The following SETD3 variants were observed in gnomAD, a reference collection of about 807,000 sequenced individuals.
SETD3 encodes the protein SET domain containing 3, actin N3(tau)-histidine methyltransferase.
Under a neutral mutation model 63.0 loss-of-function variants are expected in SETD3, and 19 were observed. The observed-to-expected ratio is 0.30, with a 90% CI of 0.21 to 0.44. The LOEUF (loss-of-function observed/expected upper bound fraction) is 0.44, where lower values mean the gene tolerates loss of function less well. SETD3 is among the 20% of genes least tolerant of loss of function. The probability of loss-of-function intolerance (pLI) is 1.00; values close to 1 mark genes in which losing one functional copy is unlikely to be tolerated. For synonymous variants in SETD3, 286 were observed against 264.1 expected (o/e 1.08, Z -0.80); for missense variants, 587 against 728.5 (o/e 0.81, Z 2.24).
At chr14:99,474,682 C>T (rs1219902781) in intron 1 of SETD3, among the ~76,000 whole-genome samples, 1 of 152,102 alleles carries the variant, frequency 6.6e-6, no homozygotes, top group Non-Finnish European at 1.5e-5. Flanking sequence ...CTGGCCAACA[C>T]AGTGAAACCC....
chr14:99,480,001 G>A (rs2139832993), intron 1 of SETD3, among the ~76,000 whole-genome samples: 1 of 152,218 alleles, frequency 6.6e-6, no homozygotes, highest in South Asian at 2.1e-4. Context: ...GCCACGAGGA[G>A]GAAGAGTTAA....
At chr14:99,447,835 T>C (rs1261011933) in intron 6 of SETD3, among the ~76,000 whole-genome samples, 1 of 152,090 alleles carries the variant, frequency 6.6e-6, no homozygotes, top group Non-Finnish European at 1.5e-5. Flanking sequence ...TAAGAACGAG[T>C]ATCTTTCAAT....
chr14:99,471,198 TCA>T (rs1233745154), intron 1 of SETD3, among the ~76,000 whole-genome samples: 4 of 152,196 alleles, frequency 2.6e-5, no homozygotes, highest in Non-Finnish European at 5.9e-5. Flanking sequence ...TAATATAGTG[TCA>T]CAGACACATA....
At chr14:99,443,209 C>T (rs910176619) in intron 6 of SETD3, among the ~76,000 whole-genome samples, 2 of 151,890 alleles carry the variant, frequency 1.3e-5, no homozygotes, top group Non-Finnish European at 2.9e-5. Flanking sequence ...AATAAAACAA[C>T]CTCCTCAAAT....
At chr14:99,459,539 G>A (rs1281711763) in intron 4 of SETD3, among the ~76,000 whole-genome samples, 3 of 152,130 alleles carry the variant, frequency 2.0e-5, no homozygotes, top group Admixed American at 6.6e-5. Flanking sequence ...TCTAAAACCA[G>A]ACCAAATCAA....
At chr14:99,458,251 T>C (rs759115845) in intron 6 of SETD3, 28 bp downstream of exon 6, 8 of 1,598,324 alleles carry the variant, frequency 5.0e-6, no homozygotes, top group Non-Finnish European at 6.8e-6. Context: ...CTGTGAAATA[T>C]ATACTTAAAT....
chr14:99,405,129 A>G, intron 10 of SETD3, 76 bp downstream of exon 10: 1 of 1,511,196 alleles, frequency 6.6e-7, no homozygotes, highest in South Asian at 1.4e-5. Flanking sequence ...TTTTATTAAC[A>G]CACCAATTAA....
Position 99,452,080 on chromosome 14 carries a change from G to C in SETD3, c.675+6199C>G, listed in dbSNP as rs147209471. Among the ~76,000 whole-genome samples, 888 of 152,234 alleles carry C rather than the reference G, an allele frequency of 5.8e-3. 9 individuals are homozygous for C. Among genetic ancestry groups the C allele is most frequent in the African/African-American group, 0.02 (840 of 41,530 alleles). On this transcript the variant is annotated intron_variant, in intron 6 of 12. Coordinates refer to ENST00000331768, the MANE Select transcript of SETD3 (RefSeq NM_032233.3). ...CTACCATACACACGAGTTAGAGCAG[G>C]GGCCCAGAAAGACTTTGTTTTTTGT...
At chr14:99,403,778 T>C (rs1417182173) in intron 11 of SETD3, among the ~76,000 whole-genome samples, 1 of 152,174 alleles carries the variant, frequency 6.6e-6, no homozygotes, top group African/African-American at 2.4e-5. Flanking sequence ...CAATTTCAGA[T>C]TTAGAATGCA....
chr14:99,420,953 G>T (rs565028740), intron 6 of SETD3, among the ~76,000 whole-genome samples: 2 of 73,438 alleles, frequency 2.7e-5, no homozygotes, highest in African/African-American at 6.4e-5. Context: ...AGGGCGGGGG[G>T]GGGGGGGGGG....
At position 99,398,015 on chromosome 14, in the gene SETD3, G is replaced by GT. The variant is rs1191451024; in HGVS notation, c.*663dup. 6.6e-6 allele frequency: 1 copy of GT among 152,432 alleles called. No individual in the cohort carries two copies. The highest frequency in any genetic ancestry group is 1.5e-5 in the Non-Finnish European group (1 of 68,008). 9.4% of individuals were successfully genotyped at this position (152,432 alleles called of 1,614,324 possible). The stretch of plus-strand genomic sequence containing the variant: ...GGAGAAAGGACAAGTTCTTAGTACA[G>GT]TAAAACAAAACACAAAAGTAAACAA... On this transcript the variant is annotated 3_prime_UTR_variant, in exon 13 of 13. Coordinates refer to ENST00000331768, the MANE Select transcript of SETD3 (RefSeq NM_032233.3).
intron 6 of SETD3, among the ~76,000 whole-genome samples, chr14:99,416,113 C>G (rs1050018539): frequency 6.6e-6 from 1 of 151,970 alleles, no homozygotes; most frequent in Non-Finnish European, 1.5e-5. Flanking sequence ...CAAAAATATT[C>G]ATAATTAAAA....
chr14:99,412,243 C>T (rs1313807321), intron 8 of SETD3: 1 of 152,632 alleles, frequency 6.6e-6, no homozygotes, highest in Non-Finnish European at 1.5e-5. Flanking sequence ...GCCCGGAATC[C>T]GAAGAATGTG....
At chr14:99,404,431 T>C (rs376808344) in intron 10 of SETD3, 121 bp from the exon 11 acceptor site, 33 of 791,238 alleles carry the variant, frequency 4.2e-5, no homozygotes, top group African/African-American at 1.2e-4. Context: ...CTGGAATGGG[T>C]CATTCCAGCT....
chr14:99,418,962 G>C (rs966908152), intron 6 of SETD3, among the ~76,000 whole-genome samples: 1 of 152,202 alleles, frequency 6.6e-6, no homozygotes, highest in Non-Finnish European at 1.5e-5. Context: ...CGAGTTTCTA[G>C]AAGGCTGATC....
At chr14:99,470,703 G>C (rs1397564091) in intron 1 of SETD3, among the ~76,000 whole-genome samples, 1 of 152,216 alleles carries the variant, frequency 6.6e-6, no homozygotes, top group Non-Finnish European at 1.5e-5. Context: ...TACCAGTTCT[G>C]TAACCCATCT....
rs541266660 is a variant in SETD3, at chr14:99,407,275, TCC to T, written c.850-687_850-686del. Among the ~76,000 whole-genome samples the T allele has an allele frequency of 3.9e-3, 600 of 152,006 alleles. 3 individuals carry two copies. The highest frequency in any genetic ancestry group is 0.014 in the African/African-American group (566 of 41,472). On this transcript the variant is annotated intron_variant, in intron 8 of 12. Coordinates refer to ENST00000331768, the MANE Select transcript of SETD3 (RefSeq NM_032233.3). The stretch of plus-strand genomic sequence containing the variant: ...CCCAAACCTGCGTCTCCTTCTAAGC[TCC>T]CCCGTCTTAGTGAAGGTCAGCCAAT...
intron 6 of SETD3, among the ~76,000 whole-genome samples, chr14:99,435,823 C>T (rs1893449881): frequency 6.8e-6 from 1 of 147,730 alleles, no homozygotes; most frequent in Non-Finnish European, 1.5e-5. Context: ...AAGTGAATAA[C>T]TGACAAAGAA....
intron 6 of SETD3, among the ~76,000 whole-genome samples, chr14:99,448,037 C>A (rs1206901090): frequency 6.6e-6 from 1 of 152,168 alleles, no homozygotes; most frequent in Non-Finnish European, 1.5e-5. Flanking sequence ...TAGACTATTT[C>A]TTTGTCCCAA....
Sources: allele counts gnomAD v4.1 joint callset (sites outside exome capture counted in the v4.1 genomes callset), GRCh38; gene constraint gnomAD v4.1.1; transcripts MANE v1.5; gene names NCBI Gene and HGNC (gene_info 2026-07-23, HGNC 2026-07-21).